The following MON2 variants were observed in gnomAD, a reference collection of about 807,000 sequenced individuals.
The protein encoded by MON2 is protein MON2 homolog.
MON2 carries 84 observed loss-of-function variants against 208.6 expected under a neutral mutation model. The observed-to-expected ratio is 0.40, with a 90% CI of 0.34 to 0.48. The LOEUF (loss-of-function observed/expected upper bound fraction) is 0.48. Among genes scored for constraint, MON2 ranks in the 20% least tolerant of loss-of-function variants. MON2 has a pLI of 0.59. For missense variants in MON2, 1,611 were observed against 2,015.4 expected, an observed-to-expected ratio of 0.80 and a Z score of 3.84; for synonymous variants, 660 against 694.0, an observed-to-expected ratio of 0.95 and a Z score of 0.77.
intron 22 of MON2, among the ~76,000 whole-genome samples, chr12:62,547,777 A>G (rs565466815): frequency 2.6e-5 from 4 of 152,252 alleles, no homozygotes; most frequent in African/African-American, 9.6e-5. Flanking sequence ...ATAAATACTT[A>G]TATTATGTTA....
chr12:62,485,413 T>A (rs1450829401), intron 2 of MON2, among the ~76,000 whole-genome samples: 1 of 152,162 alleles, frequency 6.6e-6, no homozygotes, highest in African/African-American at 2.4e-5. Context: ...GAAATTAAGA[T>A]TTTTGGGGTC....
intron 11 of MON2, 68 bp from the exon 12 acceptor site, chr12:62,532,370 G>C: frequency 8.8e-7 from 1 of 1,139,756 alleles, no homozygotes; most frequent in South Asian, 1.3e-5. Context: ...GTAAATTGTA[G>C]AAAATAGTTT....
intron 1 of MON2, among the ~76,000 whole-genome samples, chr12:62,477,674 C>T (rs1328424833): frequency 6.6e-6 from 1 of 151,994 alleles, no homozygotes; most frequent in African/African-American, 2.4e-5. Flanking sequence ...CCTTGACCTC[C>T]CAAAGTGCTG....
chr12:62,513,520 C>A (rs1340794682), intron 8 of MON2, among the ~76,000 whole-genome samples: 1 of 152,020 alleles, frequency 6.6e-6, no homozygotes, highest in East Asian at 1.9e-4. Flanking sequence ...GCCACTGCGC[C>A]CGGCCTGGGA....
intron 1 of MON2, among the ~76,000 whole-genome samples, chr12:62,471,071 A>G (rs1213414836): frequency 4.6e-5 from 7 of 152,216 alleles, no homozygotes; most frequent in African/African-American, 9.6e-5. Context: ...GTAATCTTTT[A>G]TATAATGGAG....
intron 19 of MON2, among the ~76,000 whole-genome samples, chr12:62,538,919 ATTTC>A (rs2073108068): frequency 2.0e-5 from 3 of 152,076 alleles, no homozygotes; most frequent in South Asian, 4.2e-4. Flanking sequence ...GGAGCTAATC[ATTTC>A]TTTCTAAAGG....
chr12:62,565,404 A>T (rs77837648), intron 27 of MON2, 24 bp downstream of exon 27: 21,768 of 1,567,688 alleles, frequency 0.014, 206 homozygotes, highest in Non-Finnish European at 0.016. Context: ...AATTTTATTT[A>T]CTTTGTAAGA....
At chr12:62,507,336 G>C (rs978154981) in intron 7 of MON2, among the ~76,000 whole-genome samples, 6 of 147,052 alleles carry the variant, frequency 4.1e-5, no homozygotes, top group Non-Finnish European at 9.0e-5. Context: ...TTCTGTGTGA[G>C]ATAGGGTCTT....
chr12:62,536,739 G>A (rs1265544859), intron 14 of MON2, among the ~76,000 whole-genome samples: 2 of 150,600 alleles, frequency 1.3e-5, no homozygotes, highest in Non-Finnish European at 3.0e-5. Flanking sequence ...TCAGCCTAGA[G>A]TGCAGTGACC....
intron 12 of MON2, among the ~76,000 whole-genome samples, chr12:62,534,543 AT>A (rs1390325428): frequency 0.016 from 338 of 21,772 alleles, 6 homozygotes; most frequent in Non-Finnish European, 0.024. Context: ...AAAAAAAAAA[AT>A]ATATATATAT....
chr12:62,533,369 G>C (rs2072752240), intron 12 of MON2, among the ~76,000 whole-genome samples: 1 of 152,088 alleles, frequency 6.6e-6, no homozygotes, highest in East Asian at 1.9e-4. Flanking sequence ...CTTTCAGATT[G>C]CTACTACAAA....
chr12:62,476,243 G>A (rs2069073520), intron 1 of MON2, among the ~76,000 whole-genome samples: 1 of 152,122 alleles, frequency 6.6e-6, no homozygotes, highest in Admixed American at 6.5e-5. Context: ...TGATTTCAAT[G>A]TAGTATTTGT....
At chr12:62,507,407 C>G (rs2071163308) in intron 7 of MON2, among the ~76,000 whole-genome samples, 1 of 151,600 alleles carries the variant, frequency 6.6e-6, no homozygotes, top group South Asian at 2.1e-4. Context: ...CCTCAACCTC[C>G]CTGGGCTCAA....
At chr12:62,488,486 A>G (rs2069925101) in intron 2 of MON2, among the ~76,000 whole-genome samples, 1 of 152,168 alleles carries the variant, frequency 6.6e-6, no homozygotes, top group South Asian at 2.1e-4. Flanking sequence ...GGAATTTCAT[A>G]GGGGCCATTA....
At chr12:62,530,209 A>T (rs2072557423) in intron 11 of MON2, among the ~76,000 whole-genome samples, 1 of 147,840 alleles carries the variant, frequency 6.8e-6, no homozygotes, top group African/African-American at 2.5e-5. Context: ...CCACTTTTTT[A>T]GCTCCCACAT....
At chr12:62,505,678 C>A (rs901310886) in intron 7 of MON2, among the ~76,000 whole-genome samples, 7 of 150,776 alleles carry the variant, frequency 4.6e-5, no homozygotes, top group Non-Finnish European at 8.8e-5. Flanking sequence ...CTCAGGAGTT[C>A]AAGACCAGCC....
At chr12:62,511,596 T>C (rs1192274027) in intron 8 of MON2, among the ~76,000 whole-genome samples, 1 of 129,666 alleles carries the variant, frequency 7.7e-6, no homozygotes, top group African/African-American at 3.0e-5. Context: ...CCTTATGCCA[T>C]GTACAAAAAA....
At position 62,571,542 on chromosome 12, in the gene MON2, G is replaced by A. The variant is rs772997942; in HGVS notation, c.4474G>A (p.Glu1492Lys). 6.2e-7 allele frequency: 1 copy of A among 1,612,906 alleles called. No homozygotes were observed. Among genetic ancestry groups the A allele is most frequent in the African/African-American group, 1.3e-5 (1 of 74,856 alleles). Residue 1492 changes from glutamate (E) to lysine (K), a missense_variant, in exon 30 of 35, where the codon GAA becomes AAA. Transcript: ENST00000393630. ...SSGKFDSMWP[E>K]LANTFEDFLF... ...TGGAAAATTTGACAGTATGTGGCCA[G>A]AACTAGCCAATACTTTTGAAGATTT...
intron 33 of MON2, among the ~76,000 whole-genome samples, chr12:62,587,454 C>T (rs2075253328): frequency 6.6e-6 from 1 of 151,878 alleles, no homozygotes; most frequent in Non-Finnish European, 1.5e-5. Flanking sequence ...CACAGTGGCT[C>T]ATGCCTGTAA....
Sources: allele counts gnomAD v4.1 joint callset (sites outside exome capture counted in the v4.1 genomes callset), GRCh38; gene constraint gnomAD v4.1.1; transcripts MANE v1.5; gene names NCBI Gene and HGNC (gene_info 2026-07-23, HGNC 2026-07-21).